MTR: variants seen among roughly 807,000 people sequenced by gnomAD.
MTR encodes 5-methyltetrahydrofolate-homocysteine methyltransferase.
A neutral mutation model predicts 154.8 loss-of-function variants in MTR; 84 were observed. The ratio of observed to expected loss-of-function variants is 0.54; its 90% CI spans 0.45 to 0.65. MTR has a LOEUF of 0.65. MTR is among the 30% of genes least tolerant of loss of function. The probability of loss-of-function intolerance (pLI) is 0.00; values close to 1 mark genes in which losing one functional copy is unlikely to be tolerated. For synonymous variants in MTR, 554 were observed against 553.9 expected (o/e 1.00, Z 0.00); for missense variants, 1,275 against 1,570.2 (o/e 0.81, Z 3.18).
chr1:236,821,013 G>T (rs1439663741), intron 8 of MTR, among the ~76,000 whole-genome samples: 5 of 152,196 alleles, frequency 3.3e-5, no homozygotes, highest in African/African-American at 9.7e-5. Context: ...TGAATTTTAA[G>T]AATTCTTTGT....
chr1:236,860,016 G>A (rs1664429331), intron 19 of MTR, 94 bp downstream of exon 19: 2 of 1,027,940 alleles, frequency 1.9e-6, no homozygotes, highest in African/African-American at 1.6e-5. Context: ...AGAAGGAGAT[G>A]CCTAGACCAC....
In MTR at chr1:236,795,324, T is replaced by G; in HGVS notation, c.-380T>G. 5 of 1,275,270 alleles carry G rather than the reference T, an allele frequency of 3.9e-6. No homozygotes were observed. The highest frequency in any genetic ancestry group is 5.1e-6 in the Non-Finnish European group (5 of 985,796). The allele number at this position is 1,275,270 out of a possible 1,614,324, so 79.0% of individuals were successfully genotyped here. On this transcript the variant is annotated 5_prime_UTR_variant, in exon 1 of 33. Coordinates refer to ENST00000366577, the MANE Select transcript of MTR (RefSeq NM_000254.3). ...ACCGCGCTCTGAAAGGTTCTAAATGTCTGCGGGGCTCAGAGCCGGATGTCA... is the reference window on the plus strand; with the variant it reads ...ACCGCGCTCTGAAAGGTTCTAAATGGCTGCGGGGCTCAGAGCCGGATGTCA...
At chr1:236,811,928 T>C (rs1227256866) in intron 5 of MTR, among the ~76,000 whole-genome samples, 3 of 152,218 alleles carry the variant, frequency 2.0e-5, no homozygotes, top group Non-Finnish European at 4.4e-5. Flanking sequence ...GGCTTCTCTG[T>C]TGGATATCTG....
intron 31 of MTR, among the ~76,000 whole-genome samples, chr1:236,896,158 G>C (rs4659744): frequency 0.35 from 52,708 of 152,072 alleles, 9,942 homozygotes; most frequent in East Asian, 0.44. Flanking sequence ...AGCGTCCTGT[G>C]CCCAGAGCTG....
rs139617871 is a variant in MTR, at chr1:236,809,424, G to A, written c.409+651G>A. On this transcript the variant is annotated intron_variant, in intron 4 of 32. Coordinates refer to ENST00000366577, the MANE Select transcript of MTR (RefSeq NM_000254.3). ...GAAAGGAATATAAGAAATATATGTA[G>A]CCCCTTAAGACTTGGAAACGTGAAG... is the stretch of plus-strand genomic sequence containing the variant. Among the ~76,000 whole-genome samples the A allele has an allele frequency of 4.8e-3, 732 of 152,288 alleles. 8 individuals carry two copies. The highest frequency in any genetic ancestry group is 0.017 in the African/African-American group (698 of 41,550).
intron 8 of MTR, among the ~76,000 whole-genome samples, chr1:236,821,895 A>G (rs767179617): frequency 6.6e-6 from 1 of 152,138 alleles, no homozygotes; most frequent in South Asian, 2.1e-4. Context: ...TCTGGACTCT[A>G]TTCTGTTTCA....
At chr1:236,878,531 C>G (rs1401154981) in intron 24 of MTR, among the ~76,000 whole-genome samples, 1 of 151,932 alleles carries the variant, frequency 6.6e-6, no homozygotes, top group Non-Finnish European at 1.5e-5. Context: ...AGTGTCCAGT[C>G]TTTTGGTTTC....
At chr1:236,828,181 G>T (rs549609134) in intron 11 of MTR, among the ~76,000 whole-genome samples, 57 of 152,230 alleles carry the variant, frequency 3.7e-4, no homozygotes, top group Middle Eastern at 6.8e-3. Flanking sequence ...GTTTCACCTC[G>T]TTAGCCAGGA....
chr1:236,873,132 A>G (rs1331604431), intron 22 of MTR, among the ~76,000 whole-genome samples: 3 of 152,244 alleles, frequency 2.0e-5, no homozygotes, highest in Admixed American at 6.5e-5. Context: ...GCCTCAAAAC[A>G]TGGTTGGACT....
intron 8 of MTR, 106 bp from the exon 9 acceptor site, chr1:236,824,013 G>A (rs1662137479): frequency 1.0e-6 from 1 of 957,288 alleles, no homozygotes; most frequent in African/African-American, 1.6e-5. Flanking sequence ...TGAATGAGGA[G>A]ATTTATTATC....
intron 27 of MTR, 29 bp from the exon 28 acceptor site, chr1:236,889,152 G>T (rs769700174): frequency 1.9e-5 from 30 of 1,613,754 alleles, no homozygotes; most frequent in Non-Finnish European, 2.5e-5. Context: ...GCCAGCGTCA[G>T]CATTGACAAC....
chr1:236,831,446 C>G (rs1374324495), intron 12 of MTR, among the ~76,000 whole-genome samples: 2 of 152,226 alleles, frequency 1.3e-5, no homozygotes, highest in East Asian at 3.8e-4. Flanking sequence ...AGGTCTCAAC[C>G]TGGATCCCTG....
intron 15 of MTR, among the ~76,000 whole-genome samples, chr1:236,849,244 C>A (rs7541539): frequency 0.18 from 27,312 of 152,110 alleles, 6,181 homozygotes; most frequent in African/African-American, 0.53. Context: ...TGTTGAGCAC[C>A]TACTTTGACA....
chr1:236,841,092 C>T (rs894427949), intron 15 of MTR, among the ~76,000 whole-genome samples: 4 of 152,186 alleles, frequency 2.6e-5, no homozygotes, highest in African/African-American at 9.6e-5. Flanking sequence ...CACCCACGTT[C>T]AGCTTTTTAA....
intron 11 of MTR, among the ~76,000 whole-genome samples, 158 bp from the exon 12 acceptor site, chr1:236,829,031 G>T (rs1182533155): frequency 2.0e-5 from 3 of 152,026 alleles, no homozygotes; most frequent in African/African-American, 7.2e-5. Context: ...AAACTAAAAG[G>T]CATGATTGTT....
At chr1:236,875,498 C>T (rs1001556122) in intron 24 of MTR, among the ~76,000 whole-genome samples, 6 of 152,158 alleles carry the variant, frequency 3.9e-5, no homozygotes, top group African/African-American at 1.4e-4. Context: ...GTGGTAAGTG[C>T]TACGTTAACT....
intron 12 of MTR, among the ~76,000 whole-genome samples, chr1:236,830,175 C>T (rs1438565330): frequency 6.6e-6 from 1 of 151,864 alleles, no homozygotes; most frequent in Non-Finnish European, 1.5e-5. Context: ...TATATTCAGG[C>T]TAGCCCTTTA....
chr1:236,826,768 G>T, intron 10 of MTR, 61 bp from the exon 11 acceptor site: 1 of 1,331,250 alleles, frequency 7.5e-7, no homozygotes, highest in Non-Finnish European at 1.1e-6. Context: ...ATGTTGAATT[G>T]GTGGTAATGA....
intron 29 of MTR, 102 bp downstream of exon 29, chr1:236,891,431 C>G (rs1666314480): frequency 6.8e-6 from 8 of 1,178,312 alleles, no homozygotes; most frequent in Non-Finnish European, 1.0e-5. Flanking sequence ...CACCTCCTCC[C>G]AAATGACCAA....
Sources: allele counts gnomAD v4.1 joint callset (sites outside exome capture counted in the v4.1 genomes callset), GRCh38; gene constraint gnomAD v4.1.1; transcripts MANE v1.5; gene names NCBI Gene and HGNC (gene_info 2026-07-23, HGNC 2026-07-21).